FAM227A: variants seen among roughly 807,000 people sequenced by gnomAD.
The protein encoded by FAM227A is family with sequence similarity 227 member A.
In FAM227A, 80 loss-of-function variants were observed where a neutral mutation model predicts 74.7. The ratio of observed to expected loss-of-function variants is 1.07; its 90% CI spans 0.89 to 1.29. The LOEUF is 1.29. FAM227A is among the 50% of genes most tolerant of loss of function. The pLI is 0.00. For synonymous variants in FAM227A, 237 were observed against 241.8 expected (o/e 0.98, Z 0.19); for missense variants, 654 against 683.4 (o/e 0.96, Z 0.48).
At chr22:38,615,510 T>C (rs2091557019) in intron 11 of FAM227A, among the ~76,000 whole-genome samples, 1 of 152,152 alleles carries the variant, frequency 6.6e-6, no homozygotes. Flanking sequence ...ATTTCCCCTC[T>C]GGATCCCTGA....
intron 10 of FAM227A, 143 bp from the exon 11 acceptor site, chr22:38,620,434 C>T (rs572709333): frequency 1.5e-6 from 1 of 646,766 alleles, no homozygotes; most frequent in Admixed American, 2.5e-5. Context: ...ACCTGCTGGG[C>T]AAGTTACCTA....
chr22:38,638,670 C>T, intron 5 of FAM227A, 76 bp downstream of exon 5: 1 of 1,084,076 alleles, frequency 9.2e-7, no homozygotes, highest in Non-Finnish European at 1.4e-6. Flanking sequence ...CAAGTATTCT[C>T]CTCCCCAGGA....
At chr22:38,653,108 T>C (rs1057354417) in intron 1 of FAM227A, among the ~76,000 whole-genome samples, 2 of 152,106 alleles carry the variant, frequency 1.3e-5, no homozygotes, top group African/African-American at 4.8e-5. Context: ...CTCTGCCTTC[T>C]GTCAGATGAG....
intron 4 of FAM227A, 187 bp downstream of exon 4, chr22:38,639,468 T>G (rs1603046727): frequency 3.2e-6 from 2 of 625,324 alleles, no homozygotes; most frequent in Non-Finnish European, 2.9e-6. Context: ...CACATGTAGG[T>G]GGTCTCTAAA....
intron 10 of FAM227A, among the ~76,000 whole-genome samples, chr22:38,620,575 G>A (rs960200849): frequency 9.2e-5 from 14 of 152,132 alleles, no homozygotes; most frequent in South Asian, 4.1e-4. Flanking sequence ...AGGCCGAGGC[G>A]GGCGGATCAC....
chr22:38,597,192 C>A lies in FAM227A; in HGVS notation c.1532+12G>T. ...TGCGGAACAACGGCATTCCCCAAAG[C>A]CCCTTCCATACCTGGAGAAGTTGTC... On this transcript the variant is annotated intron_variant, in intron 15 of 16. Coordinates refer to ENST00000535113, the MANE Select transcript of FAM227A (RefSeq NM_001013647.2). 1 of 1,551,914 alleles carries A rather than the reference C, an allele frequency of 6.4e-7. No homozygotes were observed. The highest frequency in any genetic ancestry group is 8.7e-7 in the Non-Finnish European group (1 of 1,146,776).
intron 3 of FAM227A, among the ~76,000 whole-genome samples, chr22:38,640,965 T>C (rs1054547639): frequency 1.3e-5 from 2 of 152,102 alleles, no homozygotes; most frequent in Non-Finnish European, 2.9e-5. Flanking sequence ...GTATTAACAT[T>C]GTTGCTCCAA....
rs2146078795 is a variant in FAM227A, at chr22:38,580,197, G to A, written c.*5928C>T. 6.6e-6 allele frequency: 1 copy of A among 152,330 alleles called. No individual in the cohort carries two copies. Among genetic ancestry groups the A allele is most frequent in the African/African-American group, 2.4e-5 (1 of 41,550 alleles). 9.4% of individuals were successfully genotyped at this position (152,330 alleles called of 1,614,324 possible). A position where few individuals can be genotyped will look rare whatever the true frequency, so the allele number is the denominator to read the frequency against. ...GGCCTCCTAAAGTGCTGGGATTACA[G>A]GCATGGGCCACCATGCTCGGCAACC... On this transcript the variant is annotated 3_prime_UTR_variant, in exon 17 of 17. Coordinates refer to ENST00000535113, the MANE Select transcript of FAM227A (RefSeq NM_001013647.2).
chr22:38,593,193 A>G (rs2090974259), intron 15 of FAM227A, among the ~76,000 whole-genome samples: 1 of 152,220 alleles, frequency 6.6e-6, no homozygotes, highest in Non-Finnish European at 1.5e-5. Context: ...CTGTTGGGAC[A>G]ATGAACTACA....
intron 1 of FAM227A, among the ~76,000 whole-genome samples, chr22:38,652,821 G>A (rs952586489): frequency 7.8e-4 from 114 of 145,442 alleles, no homozygotes; most frequent in African/African-American, 2.8e-3. Context: ...GGCTTGCAGT[G>A]AGCCGAGATC....
Position 38,650,272 on chromosome 22 carries a change from A to G in FAM227A, c.-94-10T>C, listed in dbSNP as rs1603089352. On this transcript the variant is annotated splice_polypyrimidine_tract_variant and intron_variant, in intron 1 of 16. Coordinates refer to ENST00000535113, the MANE Select transcript of FAM227A (RefSeq NM_001013647.2). ...TTGTTTAATCAGCCTCCTGGAAATC[A>G]TAAACAGCATAGAGCCAGCTCAGAA... is the stretch of plus-strand genomic sequence containing the variant. 3 of 1,154,394 alleles carry G rather than the reference A, an allele frequency of 2.6e-6. No individual in the cohort carries two copies. Among genetic ancestry groups the G allele is most frequent in the Non-Finnish European group, 1.2e-6 (1 of 811,118 alleles). The allele number at this position is 1,154,394 out of a possible 1,614,324, so 71.5% of individuals were successfully genotyped here.
Position 38,582,826 on chromosome 22 carries a change from T to C in FAM227A, c.*3299A>G. The C allele has an allele frequency of 6.5e-7, 1 of 1,549,778 alleles. No homozygotes were observed. Among genetic ancestry groups the C allele is most frequent in the Non-Finnish European group, 8.7e-7 (1 of 1,146,888 alleles). On this transcript the variant is annotated 3_prime_UTR_variant, in exon 17 of 17. Transcript: ENST00000535113. The stretch of plus-strand genomic sequence containing the variant: ...GCCATAATGGGATGGCACAGAATGC[T>C]GTTGGAGCATAATGCAGTGGAGCAC...
chr22:38,597,635 C>A (rs1189060936), intron 14 of FAM227A, among the ~76,000 whole-genome samples: 10 of 152,108 alleles, frequency 6.6e-5, no homozygotes, highest in Non-Finnish European at 1.3e-4. Context: ...GAAGGCAGGG[C>A]TAAGAAATAC....
At chr22:38,619,937 A>G (rs956873587) in intron 11 of FAM227A, among the ~76,000 whole-genome samples, 2 of 152,106 alleles carry the variant, frequency 1.3e-5, no homozygotes, top group African/African-American at 4.8e-5. Flanking sequence ...AAGTAAAAGC[A>G]TCTTGCACTG....
At chr22:38,638,934 T>A in intron 4 of FAM227A, 112 bp from the exon 5 acceptor site, 1 of 649,036 alleles carries the variant, frequency 1.5e-6, no homozygotes, top group Non-Finnish European at 2.6e-6. Context: ...AGGACACTCC[T>A]ACTACTAGTC....
rs975983941 is a variant in FAM227A, at chr22:38,605,340, A to G, written c.1135T>C (p.Cys379Arg). The stretch of plus-strand genomic sequence containing the variant: ...GGTTTCTTCAAGACCAGGGTCTGAC[A>G]ATGATGCTCTGTCAATGTGACATTA... ...RMQNTAKEHHCQTLVLKKPTQ... is the reference protein window; with the variant it reads ...RMQNTAKEHHRQTLVLKKPTQ... The change falls in exon 13 of 17, where the codon TGT becomes CGT. Residue 379 changes from cysteine to arginine, a missense_variant. Physicochemically the swap from Cys to Arg is radical, Grantham distance 180. Coordinates refer to ENST00000535113, the MANE Select transcript of FAM227A (RefSeq NM_001013647.2). The G allele has an allele frequency of 6.5e-7, 1 of 1,542,534 alleles. No homozygotes were observed. Among genetic ancestry groups the G allele is most frequent in the African/African-American group, 1.4e-5 (1 of 72,864 alleles).
chr22:38,625,987 C>G (rs908870182), intron 9 of FAM227A, among the ~76,000 whole-genome samples, 193 bp downstream of exon 9: 1 of 148,170 alleles, frequency 6.7e-6, no homozygotes, highest in African/African-American at 2.5e-5. Context: ...TGTCTCAGAA[C>G]TGTTTTGAGG....
Position 38,582,115 on chromosome 22 carries a change from T to C in FAM227A, c.*4010A>G, listed in dbSNP as rs1238836207. 9.6e-6 allele frequency: 5 copies of C among 520,194 alleles called. No homozygotes were observed. The highest frequency in any genetic ancestry group is 1.9e-5 in the African/African-American group (1 of 51,970). 32.2% of individuals were successfully genotyped at this position (520,194 alleles called of 1,614,324 possible). On this transcript the variant is annotated 3_prime_UTR_variant, in exon 17 of 17. Coordinates refer to ENST00000535113, the MANE Select transcript of FAM227A (RefSeq NM_001013647.2). ...AAACTGCACACATTTAAAGTGTATTTAGGTGTGTATACACCCATGAGCCAT... is the reference window on the plus strand; with the variant it reads ...AAACTGCACACATTTAAAGTGTATTCAGGTGTGTATACACCCATGAGCCAT...
At chr22:38,630,211 G>C (rs1408752375) in intron 6 of FAM227A, among the ~76,000 whole-genome samples, 1 of 152,230 alleles carries the variant, frequency 6.6e-6, no homozygotes, top group African/African-American at 2.4e-5. Flanking sequence ...TCTCTGGGAT[G>C]CAGACGGAAA....
Sources: allele counts gnomAD v4.1 joint callset (sites outside exome capture counted in the v4.1 genomes callset), GRCh38; gene constraint gnomAD v4.1.1; transcripts MANE v1.5; gene names NCBI Gene and HGNC (gene_info 2026-07-23, HGNC 2026-07-21).